Variants in VWA3A observed in about 807,000 individuals in gnomAD.
The protein encoded by VWA3A is von Willebrand factor A domain containing 3A, also known as von Willebrand factor A domain-containing protein 3A.
A neutral mutation model predicts 160.4 loss-of-function variants in VWA3A; 134 were observed. The observed-to-expected ratio is 0.84, with a 90% CI of 0.73 to 0.96. VWA3A has a LOEUF of 0.96. Among genes scored for constraint, VWA3A ranks in the 40% least tolerant of loss-of-function variants. The probability of loss-of-function intolerance (pLI) is 0.00; values close to 1 mark genes in which losing one functional copy is unlikely to be tolerated. For synonymous variants in VWA3A, 476 were observed against 543.4 expected, an observed-to-expected ratio of 0.88 and a Z score of 1.72; for missense variants, 1,310 against 1,447.9, an observed-to-expected ratio of 0.90 and a Z score of 1.55.
At chr16:22,121,748 A>C in intron 14 of VWA3A, 131 bp downstream of exon 14, 1 of 694,184 alleles carries the variant, frequency 1.4e-6, no homozygotes, top group Non-Finnish European at 2.4e-6. Flanking sequence ...CCTAGAATGC[A>C]CATCAAATCC....
chr16:22,095,130 G>A (rs930488079), intron 1 of VWA3A, among the ~76,000 whole-genome samples: 14 of 152,080 alleles, frequency 9.2e-5, no homozygotes, highest in Non-Finnish European at 1.6e-4. Flanking sequence ...TGAATGTATC[G>A]TTCCAAATTA....
intron 26 of VWA3A, among the ~76,000 whole-genome samples, chr16:22,144,815 G>A (rs747304987): frequency 5.3e-5 from 8 of 152,120 alleles, no homozygotes; most frequent in Non-Finnish European, 1.2e-4. Context: ...TTGGGAGGCT[G>A]AGGCGGGAGG....
chr16:22,102,796 G>A (rs957139089), intron 5 of VWA3A, among the ~76,000 whole-genome samples: 1 of 152,120 alleles, frequency 6.6e-6, no homozygotes, highest in Non-Finnish European at 1.5e-5. Flanking sequence ...CAACTTTCTC[G>A]TAAGAACACC....
At chr16:22,103,286 A>G (rs1007608358) in intron 5 of VWA3A, among the ~76,000 whole-genome samples, 189 bp from the exon 6 acceptor site, 2 of 152,134 alleles carry the variant, frequency 1.3e-5, no homozygotes, top group Non-Finnish European at 2.9e-5. Flanking sequence ...CTCCCACGTC[A>G]GGCTCCTGAG....
chr16:22,135,630 G>T (rs2046026575), intron 21 of VWA3A, among the ~76,000 whole-genome samples: 1 of 152,070 alleles, frequency 6.6e-6, no homozygotes, highest in Admixed American at 6.6e-5. Context: ...AGGTCTGTGT[G>T]CTGCACATTC....
intron 8 of VWA3A, among the ~76,000 whole-genome samples, chr16:22,112,857 C>G (rs1034070794): frequency 6.6e-6 from 1 of 152,240 alleles, no homozygotes; most frequent in Non-Finnish European, 1.5e-5. Context: ...CTTTGAATCC[C>G]AACCCCAACA....
intron 31 of VWA3A, among the ~76,000 whole-genome samples, chr16:22,154,323 C>CTTTTTTTTTTTTTTTT (rs988862954): frequency 9.7e-4 from 72 of 73,886 alleles, no homozygotes; most frequent in East Asian, 1.8e-3. Flanking sequence ...TTTTCTTTTT[C>CTTTTTTTTTTTTTTTT]TTTTTTTTTT....
At chr16:22,133,790 T>C (rs1043480507) in intron 20 of VWA3A, among the ~76,000 whole-genome samples, 4 of 152,054 alleles carry the variant, frequency 2.6e-5, no homozygotes, top group African/African-American at 9.7e-5. Context: ...AAGACCATCC[T>C]GGGCAACATA....
chr16:22,133,356 A>T (rs894904174), intron 20 of VWA3A, among the ~76,000 whole-genome samples: 3 of 152,138 alleles, frequency 2.0e-5, no homozygotes, highest in African/African-American at 7.2e-5. Context: ...AATTTTTTTA[A>T]CTTAAAAGAA....
At chr16:22,098,883 T>A (rs2045363525) in intron 3 of VWA3A, among the ~76,000 whole-genome samples, 1 of 118,010 alleles carries the variant, frequency 8.5e-6, no homozygotes, top group Non-Finnish European at 1.6e-5. Flanking sequence ...GAGGCCAGCC[T>A]GGGCAACATG....
At chr16:22,150,441 G>C (rs992472562) in intron 29 of VWA3A, among the ~76,000 whole-genome samples, 1 of 152,252 alleles carries the variant, frequency 6.6e-6, no homozygotes, top group Middle Eastern at 3.4e-3. Flanking sequence ...AAGACACAGA[G>C]GCTCAGAGAG....
Position 22,097,678 on chromosome 16 carries a change from C to T in VWA3A, c.208C>T (p.Gln70Ter), listed in dbSNP as rs1253418734. Residue 70 changes from glutamine to a stop codon, truncating the protein, a stop_gained, in exon 3 of 34, where the codon CAG (glutamine) becomes TAG (stop). Transcript: ENST00000389398. LOFTEE classifies it high-confidence loss of function. ...TGGATTATTGGTTACACATGTTAAC[C>T]AGACACAGGACTTACTGGTAAAGAC... ...DNGLLVTHVN[Q>*]TQDLLRLQGS... 4 of 1,551,584 alleles carry T rather than the reference C, an allele frequency of 2.6e-6. No homozygotes were observed. The highest frequency in any genetic ancestry group is 3.5e-6 in the Non-Finnish European group (4 of 1,146,930).
chr16:22,111,169 G>A (rs527559986), intron 8 of VWA3A, among the ~76,000 whole-genome samples, 175 bp downstream of exon 8: 25 of 152,214 alleles, frequency 1.6e-4, no homozygotes, highest in African/African-American at 5.8e-4. Context: ...ACCCTCGTGA[G>A]CGGTTCATAA....
At chr16:22,138,933 T>G (rs1255924882) in intron 22 of VWA3A, among the ~76,000 whole-genome samples, 1 of 152,060 alleles carries the variant, frequency 6.6e-6, no homozygotes, top group Admixed American at 6.5e-5. Flanking sequence ...CTGAGCCTGC[T>G]AGGGGCTTAT....
chr16:22,138,678 C>T (rs1187007592), intron 22 of VWA3A, 166 bp downstream of exon 22: 7 of 892,776 alleles, frequency 7.8e-6, no homozygotes, highest in Admixed American at 3.0e-5. Context: ...GAAAATCTCC[C>T]GCGGGGGGCC....
At chr16:22,128,473 C>T (rs1477610641) in intron 17 of VWA3A, among the ~76,000 whole-genome samples, 2 of 152,180 alleles carry the variant, frequency 1.3e-5, no homozygotes, top group Non-Finnish European at 2.9e-5. Context: ...AGCACTTACA[C>T]ACTTGGTGGG....
At chr16:22,112,832 T>C (rs2045571328) in intron 8 of VWA3A, among the ~76,000 whole-genome samples, 1 of 152,226 alleles carries the variant, frequency 6.6e-6, no homozygotes, top group South Asian at 2.1e-4. Flanking sequence ...AAATGCCCAC[T>C]TCTGGCAGCT....
intron 25 of VWA3A, 126 bp from the exon 26 acceptor site, chr16:22,144,121 G>A: frequency 8.4e-7 from 1 of 1,186,074 alleles, no homozygotes; most frequent in Non-Finnish European, 1.2e-6. Flanking sequence ...GCTCTGTGAG[G>A]ACCTGGGAAT....
intron 10 of VWA3A, 42 bp downstream of exon 10, chr16:22,116,909 G>T: frequency 1.3e-6 from 2 of 1,585,018 alleles, no homozygotes; most frequent in South Asian, 1.1e-5. Context: ...TGGCTTTGGT[G>T]GTAGTGAGCT....
Sources: gnomAD v4.1 joint callset for allele counts (sites outside exome capture counted in the v4.1 genomes callset) on GRCh38, gnomAD v4.1.1 for gene constraint, MANE v1.5 for transcripts, NCBI Gene and HGNC (gene_info 2026-07-23, HGNC 2026-07-21) for gene names.